The following NCAM2 variants were observed in gnomAD, a reference collection of about 807,000 sequenced individuals.
NCAM2 encodes the protein N-CAM-2.
In NCAM2, 30 loss-of-function variants were observed where a neutral mutation model predicts 98.1. The observed-to-expected ratio is 0.31, with a 90% CI of 0.23 to 0.41. The LOEUF is 0.41. Among genes scored for constraint, NCAM2 ranks in the 10% least tolerant of loss-of-function variants. The pLI is 1.00. For missense variants in NCAM2, 867 were observed against 1,005.8 expected, an observed-to-expected ratio of 0.86 and a Z score of 1.87; for synonymous variants, 368 against 342.4, an observed-to-expected ratio of 1.07 and a Z score of -0.83.
intron 1 of NCAM2, among the ~76,000 whole-genome samples, chr21:21,229,061 T>A (rs986598545): frequency 1.2e-4 from 18 of 151,552 alleles, no homozygotes; most frequent in African/African-American, 4.3e-4. Context: ...TGGCTTTAGA[T>A]TAATAATAAT....
At position 21,410,382 on chromosome 21, in the gene NCAM2, G is replaced by A; in HGVS notation, c.1304G>A (p.Arg435Lys). ...KSNPPASIHW[R>K]RDKLVLPAKN... ...AATCCACCAGCATCAATTCACTGGA[G>A]AAGAGATAAATTAGTCTTACCTGCT... The change falls in exon 10 of 18, where the codon AGA becomes AAA. Residue 435 changes from arginine (R) to lysine (K), a missense_variant. Physicochemically the swap from Arg to Lys is conservative, Grantham distance 26. Transcript: ENST00000400546. 5 of 1,601,822 alleles carry A rather than the reference G, an allele frequency of 3.1e-6. No homozygotes were observed. The highest frequency in any genetic ancestry group is 4.3e-6 in the Non-Finnish European group (5 of 1,172,862).
chr21:21,178,913 C>T (rs944535937), intron 1 of NCAM2, among the ~76,000 whole-genome samples: 6 of 152,094 alleles, frequency 3.9e-5, no homozygotes, highest in South Asian at 2.1e-4. Context: ...GCATAGTACA[C>T]GGTGAAATTT....
At chr21:21,387,176 G>GCACA (rs1380226141) in intron 9 of NCAM2, among the ~76,000 whole-genome samples, 66 of 125,546 alleles carry the variant, frequency 5.3e-4, no homozygotes, top group Non-Finnish European at 8.1e-4. Context: ...TACTTGGTGC[G>GCACA]CACACACACA....
chr21:21,248,646 G>A (rs567601371), intron 1 of NCAM2, among the ~76,000 whole-genome samples: 96 of 151,576 alleles, frequency 6.3e-4, no homozygotes, highest in Non-Finnish European at 1.0e-3. Context: ...GCGTGGTGGC[G>A]GGCGCCTGTA....
chr21:21,371,756 G>A (rs2075919238), intron 8 of NCAM2, among the ~76,000 whole-genome samples: 1 of 151,730 alleles, frequency 6.6e-6, no homozygotes, highest in Non-Finnish European at 1.5e-5. Flanking sequence ...TGTAAAATTA[G>A]TATCTATCTT....
intron 1 of NCAM2, among the ~76,000 whole-genome samples, chr21:21,225,104 G>T (rs1200216803): frequency 2.0e-5 from 3 of 152,046 alleles, no homozygotes; most frequent in African/African-American, 7.2e-5. Flanking sequence ...CATGTTCTTT[G>T]CAGGGACATG....
intron 1 of NCAM2, among the ~76,000 whole-genome samples, chr21:21,265,545 A>G (rs1318143178): frequency 7.3e-6 from 1 of 137,690 alleles, no homozygotes. Context: ...GTATGTATAT[A>G]TGTATGTATA....
At chr21:21,064,719 CATT>C (rs2065396770) in intron 1 of NCAM2, among the ~76,000 whole-genome samples, 1 of 152,176 alleles carries the variant, frequency 6.6e-6, no homozygotes, top group African/African-American at 2.4e-5. Flanking sequence ...AACTGAGAAA[CATT>C]AATCTCAAGG....
intron 1 of NCAM2, among the ~76,000 whole-genome samples, chr21:21,202,521 G>A (rs1056861950): frequency 3.3e-5 from 5 of 149,262 alleles, no homozygotes; most frequent in African/African-American, 1.2e-4. Context: ...GGTTCAAGCG[G>A]TTCTCCTGCC....
intron 1 of NCAM2, among the ~76,000 whole-genome samples, chr21:21,264,318 T>C (rs1217399503): frequency 6.6e-6 from 1 of 152,066 alleles, no homozygotes; most frequent in Non-Finnish European, 1.5e-5. Flanking sequence ...CCAGCCAGAA[T>C]GGCTATTATT....
chr21:21,537,158 G>A (rs1221102913), intron 17 of NCAM2, among the ~76,000 whole-genome samples: 1 of 151,858 alleles, frequency 6.6e-6, no homozygotes, highest in Non-Finnish European at 1.5e-5. Flanking sequence ...AAGTGCAGTG[G>A]CATGATCTCA....
At chr21:21,424,150 C>G (rs78813897) in intron 11 of NCAM2, among the ~76,000 whole-genome samples, 6 of 152,194 alleles carry the variant, frequency 3.9e-5, no homozygotes, top group Non-Finnish European at 7.3e-5. Flanking sequence ...ATTAAGCAAA[C>G]AGTGATATTC....
intron 1 of NCAM2, among the ~76,000 whole-genome samples, chr21:21,070,267 G>GTATATATATA (rs56050809): frequency 8.3e-5 from 12 of 145,244 alleles, no homozygotes; most frequent in South Asian, 2.2e-4. Context: ...TGTACATAGT[G>GTATATATATA]TATATATATA....
Position 21,177,502 on chromosome 21 carries a change from C to T in NCAM2, c.56-103076C>T, listed in dbSNP as rs1156646844. ...TGAAATGCTCACCATTTCCCATGAACGACAACCAATTATAAGTGAATTATA... is the reference window on the plus strand; with the variant it reads ...TGAAATGCTCACCATTTCCCATGAATGACAACCAATTATAAGTGAATTATA... On this transcript the variant is annotated intron_variant, in intron 1 of 17. Coordinates refer to ENST00000400546, the MANE Select transcript of NCAM2 (RefSeq NM_004540.5). Among the ~76,000 whole-genome samples, 5 of 151,994 alleles carry T rather than the reference C, an allele frequency of 3.3e-5. No individual in the cohort carries two copies. The East Asian group carries it at 5.8e-4, about 18-fold the overall frequency.
At chr21:21,219,223 G>A (rs2070034397) in intron 1 of NCAM2, among the ~76,000 whole-genome samples, 1 of 152,054 alleles carries the variant, frequency 6.6e-6, no homozygotes, top group Non-Finnish European at 1.5e-5. Context: ...TGCGGCCCAA[G>A]ACATTTCTTC....
intron 1 of NCAM2, among the ~76,000 whole-genome samples, chr21:21,176,218 A>G (rs961966327): frequency 6.6e-6 from 1 of 152,190 alleles, no homozygotes; most frequent in Non-Finnish European, 1.5e-5. Flanking sequence ...TCTCTGAATC[A>G]CTTGACTGGA....
intron 1 of NCAM2, among the ~76,000 whole-genome samples, chr21:21,247,874 C>A (rs2071335647): frequency 6.6e-6 from 1 of 152,162 alleles, no homozygotes; most frequent in African/African-American, 2.4e-5. Context: ...TTCCTGCCTT[C>A]TTTCCTCCTT....
chr21:21,321,296 T>A (rs1218932330), intron 5 of NCAM2, among the ~76,000 whole-genome samples: 2 of 152,180 alleles, frequency 1.3e-5, no homozygotes, highest in African/African-American at 4.8e-5. Context: ...AAGTTCCTTA[T>A]AGATTCCGGA....
chr21:21,018,593 T>C (rs902202182), intron 1 of NCAM2, among the ~76,000 whole-genome samples: 2 of 152,236 alleles, frequency 1.3e-5, no homozygotes, highest in Admixed American at 1.3e-4. Context: ...TGGTCTATCA[T>C]CGTGTCCCTT....
Sources: gnomAD v4.1 joint callset for allele counts (sites outside exome capture counted in the v4.1 genomes callset) on GRCh38, gnomAD v4.1.1 for gene constraint, MANE v1.5 for transcripts, NCBI Gene and HGNC (gene_info 2026-07-23, HGNC 2026-07-21) for gene names.